Variants in KIF1A observed in about 807,000 individuals in gnomAD.
KIF1A encodes the protein kinesin-like protein KIF1A.
A neutral mutation model predicts 227.3 loss-of-function variants in KIF1A; 46 were observed. That is an observed-to-expected ratio of 0.20 (90% CI 0.16 to 0.26). The LOEUF is 0.26. Among genes scored for constraint, KIF1A ranks in the 10% least tolerant of loss-of-function variants. The probability of loss-of-function intolerance (pLI) is 1.00; values close to 1 mark genes in which losing one functional copy is unlikely to be tolerated. For synonymous variants in KIF1A, 1,022 were observed against 1,012.8 expected, an observed-to-expected ratio of 1.01 and a Z score of -0.17; for missense variants, 1,683 against 2,485.9, an observed-to-expected ratio of 0.68 and a Z score of 6.87.
At position 240,792,521 on chromosome 2, in the gene KIF1A, G is replaced by T. The variant is rs769486291; in HGVS notation, c.107-3209C>A. Among the ~76,000 whole-genome samples, 3 of 152,106 alleles carry T rather than the reference G, an allele frequency of 2.0e-5. No individual in the cohort carries two copies. Among genetic ancestry groups the T allele is most frequent in the Non-Finnish European group, 2.9e-5 (2 of 68,004 alleles). On this transcript the variant is annotated intron_variant, in intron 2 of 48. Transcript: ENST00000498729. This position sits in a 1 kb window ranked among gnomAD's most constrained non-coding sequence, Gnocchi z 4.5. ...GGACACCGAGACGACAGAGACAGCG[G>T]GGGGAGGGTTGGGGTGAGGAGTGGG...
In KIF1A at chr2:240,778,511, T is replaced by TTTACACACACACACACAC. The variant is rs2053079562; in HGVS notation, c.883-2586_883-2585insGTGTGTGTGTGTGTGTAA. Among the ~76,000 whole-genome samples the TTTACACACACACACACAC allele has an allele frequency of 7.5e-6, 1 of 134,128 alleles. No individual in the cohort carries two copies. Among genetic ancestry groups the TTTACACACACACACACAC allele is most frequent in the Non-Finnish European group, 1.6e-5 (1 of 63,808 alleles). 88.0% of individuals were successfully genotyped at this position (134,128 alleles called of 152,430 possible). A position where few individuals can be genotyped will look rare whatever the true frequency, so the allele number is the denominator to read the frequency against. On this transcript the variant is annotated intron_variant, in intron 10 of 48. Transcript: ENST00000498729. The surrounding 1 kb of genome is among the most constrained non-coding windows in gnomAD (Gnocchi z 7.2). ...GGCGCTCGCAGCTCCCGCACAGCGT[T>TTTACACACACACACACAC]ACACACACACACACACACACACACA...
At position 240,773,289 on chromosome 2, in the gene KIF1A, G is replaced by A. The variant is rs377381082; in HGVS notation, c.1038-33C>T. The A allele has an allele frequency of 7.8e-5, 125 of 1,612,766 alleles. 1 individual carries two copies. The highest frequency in any genetic ancestry group is 4.4e-4 in the South Asian group (40 of 91,032). ...GCAGAGGGGGCTGTGGGCTGTGCTCGGGACAGGTCCACATCTGGCAGGTCC... is the reference window on the plus strand; with the variant it reads ...GCAGAGGGGGCTGTGGGCTGTGCTCAGGACAGGTCCACATCTGGCAGGTCC... On this transcript the variant is annotated intron_variant, in intron 12 of 48. Coordinates refer to ENST00000498729, the MANE Select transcript of KIF1A (RefSeq NM_001244008.2).
chr2:240,787,666 C>T (rs976276459), intron 4 of KIF1A, among the ~76,000 whole-genome samples: 1 of 152,176 alleles, frequency 6.6e-6, no homozygotes, highest in Admixed American at 6.5e-5. Flanking sequence ...ACTCAGGGTT[C>T]CTGCAGCAAA....
intron 27 of KIF1A, among the ~76,000 whole-genome samples, chr2:240,755,433 G>A (rs1014056546): frequency 6.6e-6 from 1 of 152,194 alleles, no homozygotes; most frequent in African/African-American, 2.4e-5. Flanking sequence ...CCTTTCCAGA[G>A]GGGACAAGAG....
At chr2:240,779,011 T>A (rs2053158319) in intron 10 of KIF1A, among the ~76,000 whole-genome samples, 2 of 152,018 alleles carry the variant, frequency 1.3e-5, no homozygotes, top group African/African-American at 2.4e-5. Flanking sequence ...CCCACCCAGT[T>A]CCACACAGTT....
intron 1 of KIF1A, among the ~76,000 whole-genome samples, chr2:240,798,901 T>G (rs2126155151): frequency 6.6e-6 from 1 of 152,330 alleles, no homozygotes; most frequent in South Asian, 2.1e-4. Flanking sequence ...GCCCACTCAG[T>G]GGTGAGTCCC....
In KIF1A at chr2:240,788,073, T is replaced by C; in HGVS notation, c.341A>G (p.Asp114Gly). Residue 114 changes from aspartate to glycine, a missense_variant, in exon 4 of 49, where the codon GAC becomes GGC. This residue lies in a region of KIF1A where 75 missense variants were observed against 131.2 expected (regional missense o/e 0.57). Transcript: ENST00000498729. The surrounding 1 kb of genome is among the most constrained non-coding windows in gnomAD (Gnocchi z 6.6). ...SYTMMGKQEK[D>G]QQGIIPQLCE... ...TGCCTGTGGGATGATGCCCTGCTGG[T>C]CCTTCTCCTGCTTGCCCATCATGGT... is the stretch of plus-strand genomic sequence containing the variant. 1 of 1,480,336 alleles carries C rather than the reference T, an allele frequency of 6.8e-7. No homozygotes were observed. 91.7% of individuals were successfully genotyped at this position (1,480,336 alleles called of 1,614,324 possible). A position where few individuals can be genotyped will look rare whatever the true frequency, so the allele number is the denominator to read the frequency against.
At chr2:240,787,457 G>A in intron 4 of KIF1A, 141 bp from the exon 5 acceptor site, 1 of 722,942 alleles carries the variant, frequency 1.4e-6, no homozygotes, top group South Asian at 1.5e-5. Flanking sequence ...CACACGTCAT[G>A]GTAAAGGCAC....
rs1451370140 is a variant in KIF1A, at chr2:240,739,356, T to G, written c.3901+702A>C. ...ATTTGGCGGACCCGAATTCGAAACA[T>G]GAGGTCATGGAAGAAAAGAGTGTAA... On this transcript the variant is annotated intron_variant, in intron 37 of 48. Coordinates refer to ENST00000498729, the MANE Select transcript of KIF1A (RefSeq NM_001244008.2). This position sits in a 1 kb window ranked among gnomAD's most constrained non-coding sequence, Gnocchi z 5.6. 3.3e-5 allele frequency among the ~76,000 whole-genome samples: 5 copies of G among 152,178 alleles called. No homozygotes were observed. The highest frequency in any genetic ancestry group is 1.2e-4 in the African/African-American group (5 of 41,434).
chr2:240,745,095 C>T (rs1448670626), intron 32 of KIF1A, among the ~76,000 whole-genome samples: 4 of 152,152 alleles, frequency 2.6e-5, no homozygotes, highest in Admixed American at 2.6e-4. Flanking sequence ...TTCCCAACAC[C>T]CAAGCCAGGG....
intron 1 of KIF1A, among the ~76,000 whole-genome samples, chr2:240,804,488 A>C (rs777681535): frequency 2.5e-4 from 38 of 152,334 alleles, no homozygotes; most frequent in Middle Eastern, 6.8e-3. Context: ...AGCTACAGGC[A>C]TTTGGTGATA....
intron 25 of KIF1A, among the ~76,000 whole-genome samples, chr2:240,760,307 C>A (rs1267226804): frequency 6.6e-6 from 1 of 152,270 alleles, no homozygotes; most frequent in Non-Finnish European, 1.5e-5. Flanking sequence ...CCCTGCTGTA[C>A]CCGCTCTTGG....
In KIF1A at chr2:240,778,232, C is replaced by T. The variant is rs529352207; in HGVS notation, c.883-2306G>A. ...ATCAAGTTTCCCCACAAGTTCCACA[C>T]GCAATTCTGTCACAGTTCTCTGTGG... On this transcript the variant is annotated intron_variant, in intron 10 of 48. Transcript: ENST00000498729. The surrounding 1 kb of genome is among the most constrained non-coding windows in gnomAD (Gnocchi z 7.2). 2.0e-5 allele frequency among the ~76,000 whole-genome samples: 3 copies of T among 152,272 alleles called. No individual in the cohort carries two copies. Among genetic ancestry groups the T allele is most frequent in the East Asian group, 3.9e-4 (2 of 5,180 alleles).
intron 2 of KIF1A, among the ~76,000 whole-genome samples, chr2:240,794,183 G>A (rs544558301): frequency 7.9e-5 from 12 of 152,246 alleles, no homozygotes; most frequent in African/African-American, 2.2e-4. Flanking sequence ...GCTTCCCTGC[G>A]CCAGGCCTAG....
chr2:240,718,293 G>A (rs1021308373), intron 47 of KIF1A, 125 bp from the exon 48 acceptor site: 25 of 731,366 alleles, frequency 3.4e-5, no homozygotes, highest in Non-Finnish European at 4.6e-5. Flanking sequence ...GAGGGGACAC[G>A]GAGGGGACAA....
chr2:240,799,207 G>A (rs2056727672), intron 1 of KIF1A, among the ~76,000 whole-genome samples: 1 of 152,132 alleles, frequency 6.6e-6, no homozygotes, highest in Non-Finnish European at 1.5e-5. Context: ...AAGGAAAGGG[G>A]GCACAGCGAG....
chr2:240,803,589 T>C (rs759647743), intron 1 of KIF1A, among the ~76,000 whole-genome samples: 1 of 152,186 alleles, frequency 6.6e-6, no homozygotes, highest in Non-Finnish European at 1.5e-5. Flanking sequence ...GGAGAGATGA[T>C]AAATGGATGA....
rs1472748559 is a variant in KIF1A, at chr2:240,778,279, C to A, written c.883-2353G>T. Among the ~76,000 whole-genome samples the A allele has an allele frequency of 6.6e-6, 1 of 152,048 alleles. No individual in the cohort carries two copies. Among genetic ancestry groups the A allele is most frequent in the African/African-American group, 2.4e-5 (1 of 41,380 alleles). ...GTGGAGTTCTTTACACAGTTCCACG[C>A]GATCCTCACCTAGGTCTCTACATAG... On this transcript the variant is annotated intron_variant, in intron 10 of 48. Transcript: ENST00000498729. The surrounding 1 kb of genome is among the most constrained non-coding windows in gnomAD (Gnocchi z 7.2).
intron 28 of KIF1A, among the ~76,000 whole-genome samples, chr2:240,749,741 G>A (rs962437606): frequency 6.6e-6 from 1 of 152,230 alleles, no homozygotes; most frequent in Admixed American, 6.5e-5. Flanking sequence ...CCAAGGCTCA[G>A]ACACTCTGGG....
Sources: gnomAD v4.1 joint callset for allele counts (sites outside exome capture counted in the v4.1 genomes callset) on GRCh38, gnomAD v4.1.1 for gene constraint, gnomAD v4.1.1 regional missense constraint, Gnocchi (gnomAD v3.1) non-coding constraint, MANE v1.5 for transcripts, NCBI Gene and HGNC (gene_info 2026-07-23, HGNC 2026-07-21) for gene names.